PKIG: variants seen among roughly 807,000 people sequenced by gnomAD.
The protein encoded by PKIG is protein kinase (cAMP-dependent, catalytic) inhibitor gamma.
A neutral mutation model predicts 6.8 loss-of-function variants in PKIG; 1 was observed. The ratio of observed to expected loss-of-function variants is 0.15; its 90% CI spans 0.05 to 0.69. The LOEUF is 0.69. Ranked by LOEUF, PKIG falls within the 30% of genes least tolerant of loss-of-function variation. The pLI is 0.82. For synonymous variants in PKIG, 39 were observed against 43.0 expected, an observed-to-expected ratio of 0.91 and a Z score of 0.36; for missense variants, 77 against 104.0, an observed-to-expected ratio of 0.74 and a Z score of 1.13.
chr20:44,563,851 A>G (rs1054677015), intron 1 of PKIG, among the ~76,000 whole-genome samples: 6 of 152,150 alleles, frequency 3.9e-5, no homozygotes, highest in Admixed American at 3.9e-4. Flanking sequence ...CCAGTTTCTA[A>G]AATCTCTTTA....
intron 2 of PKIG, among the ~76,000 whole-genome samples, chr20:44,612,345 T>G (rs2065227297): frequency 6.6e-6 from 1 of 151,260 alleles, no homozygotes; most frequent in Non-Finnish European, 1.5e-5. Context: ...GAGAAAACAT[T>G]GGGCATTTGC....
At chr20:44,616,862 C>T (rs1443358547) in intron 3 of PKIG, among the ~76,000 whole-genome samples, 2 of 152,212 alleles carry the variant, frequency 1.3e-5, no homozygotes, top group African/African-American at 2.4e-5. Context: ...AGCAGGCTTT[C>T]CAGGCAGCGG....
At chr20:44,600,996 C>A (rs191810560) in intron 2 of PKIG, among the ~76,000 whole-genome samples, 1 of 152,070 alleles carries the variant, frequency 6.6e-6, no homozygotes, top group African/African-American at 2.4e-5. Flanking sequence ...CCCTCGGGAG[C>A]AAACAGAAGA....
chr20:44,610,387 G>GT (rs1271986042), intron 2 of PKIG, among the ~76,000 whole-genome samples: 1 of 152,070 alleles, frequency 6.6e-6, no homozygotes, highest in East Asian at 1.9e-4. Context: ...TTCTTTAGGT[G>GT]TTTCTTCTGA....
intron 2 of PKIG, among the ~76,000 whole-genome samples, chr20:44,599,044 A>G (rs1027451326): frequency 6.6e-6 from 1 of 152,234 alleles, no homozygotes; most frequent in Admixed American, 6.5e-5. Flanking sequence ...TGAATATCCA[A>G]AACAGGATGT....
chr20:44,540,791 A>G (rs2064554664), intron 1 of PKIG, among the ~76,000 whole-genome samples: 1 of 152,104 alleles, frequency 6.6e-6, no homozygotes, highest in Admixed American at 6.5e-5. Flanking sequence ...CATGTTGGCC[A>G]GGCTGATCTT....
chr20:44,598,411 T>A (rs1346001867), intron 2 of PKIG, among the ~76,000 whole-genome samples: 1 of 152,158 alleles, frequency 6.6e-6, no homozygotes, highest in African/African-American at 2.4e-5. Flanking sequence ...TCAGATAATT[T>A]GCAGACATGT....
chr20:44,554,303 G>T (rs2064694761), intron 1 of PKIG, among the ~76,000 whole-genome samples: 1 of 151,926 alleles, frequency 6.6e-6, no homozygotes, highest in African/African-American at 2.4e-5. Context: ...GGCTGGTCTC[G>T]AACTCCGGCC....
At chr20:44,600,684 A>G (rs2065113908) in intron 2 of PKIG, among the ~76,000 whole-genome samples, 1 of 151,964 alleles carries the variant, frequency 6.6e-6, no homozygotes, top group South Asian at 2.1e-4. Context: ...TGTCTCTACA[A>G]AAACATTAAA....
rs1309906729 is a variant in PKIG at position 44,613,837 on chromosome 20, A to T, written c.-23-697A>T. ...ATGGCCTTGCCTAAAGCCCCTCAGG[A>T]ACCAAGTTCCAGATGTGGTCTGGCT... On this transcript the variant is annotated intron_variant, in intron 2 of 3. Coordinates refer to ENST00000372886, the MANE Select transcript of PKIG (RefSeq NM_001281445.2). Among the ~76,000 whole-genome samples, 4 of 152,258 alleles carry T rather than the reference A, an allele frequency of 2.6e-5. No individual in the cohort carries two copies. In the East Asian group the frequency reaches 5.8e-4, roughly 22 times the overall value.
chr20:44,582,882 T>G (rs540460846), intron 1 of PKIG, among the ~76,000 whole-genome samples, 151 bp downstream of exon 1: 23 of 152,300 alleles, frequency 1.5e-4, no homozygotes, highest in Middle Eastern at 3.4e-3. Context: ...GCTCTGAAAA[T>G]TATGGCCTTG....
At chr20:44,542,034 A>G (rs2064566665) in intron 1 of PKIG, among the ~76,000 whole-genome samples, 2 of 152,166 alleles carry the variant, frequency 1.3e-5, no homozygotes. Flanking sequence ...AGCCAAAGAC[A>G]CCAAGATTGA....
intron 1 of PKIG, among the ~76,000 whole-genome samples, chr20:44,572,312 CG>C (rs1478126836): frequency 1.3e-5 from 2 of 152,064 alleles, no homozygotes; most frequent in Non-Finnish European, 2.9e-5. Context: ...GGTCAATATA[CG>C]TGTTAAATTA....
At chr20:44,603,393 G>A (rs1211723541) in intron 2 of PKIG, among the ~76,000 whole-genome samples, 1 of 152,080 alleles carries the variant, frequency 6.6e-6, no homozygotes, top group Non-Finnish European at 1.5e-5. Context: ...TGAACTGCAG[G>A]GTGTGACTGT....
intron 2 of PKIG, among the ~76,000 whole-genome samples, chr20:44,605,893 C>T (rs1450948320): frequency 6.6e-6 from 1 of 152,158 alleles, no homozygotes. Context: ...GCCTGGGTGA[C>T]TCCAGACCCT....
At chr20:44,554,877 A>C (rs1465345046) in intron 1 of PKIG, among the ~76,000 whole-genome samples, 1 of 152,202 alleles carries the variant, frequency 6.6e-6, no homozygotes, top group East Asian at 1.9e-4. Context: ...CCCCAACTCG[A>C]TAAGATACAG....
chr20:44,595,266 C>G (rs1476927162), intron 2 of PKIG, among the ~76,000 whole-genome samples: 2 of 152,210 alleles, frequency 1.3e-5, no homozygotes, highest in African/African-American at 2.4e-5. Context: ...TAGCTTCCCT[C>G]AAACTCTCAA....
intron 2 of PKIG, among the ~76,000 whole-genome samples, chr20:44,598,135 G>A (rs571943702): frequency 6.6e-6 from 1 of 152,162 alleles, no homozygotes; most frequent in African/African-American, 2.4e-5. Context: ...TTTCCTGGCC[G>A]TCTCAGGACC....
At chr20:44,618,228 T>C (rs575793259) in intron 3 of PKIG, 57 bp from the exon 4 acceptor site, 5 of 1,141,574 alleles carry the variant, frequency 4.4e-6, no homozygotes, top group South Asian at 2.4e-5. Context: ...CACACCTCCT[T>C]CTGTGCATTA....
Sources: allele counts gnomAD v4.1 joint callset (sites outside exome capture counted in the v4.1 genomes callset), GRCh38; gene constraint gnomAD v4.1.1; transcripts MANE v1.5; gene names NCBI Gene and HGNC (gene_info 2026-07-23, HGNC 2026-07-21).